AGBL4: variants seen among roughly 807,000 people sequenced by gnomAD.
AGBL4 encodes the protein cytosolic carboxypeptidase 6.
In AGBL4, 58 loss-of-function variants were observed where a neutral mutation model predicts 66.4. The observed-to-expected ratio is 0.87, with a 90% CI of 0.71 to 1.09. The LOEUF is 1.09. Ranked by LOEUF, AGBL4 falls within the 50% of genes least tolerant of loss-of-function variation. AGBL4 has a pLI of 0.00. For missense variants in AGBL4, 579 were observed against 631.0 expected (o/e 0.92, Z 0.88); for synonymous variants, 234 against 222.9 (o/e 1.05, Z -0.44).
chr1:49,634,855 C>T (rs2124376063), intron 3 of AGBL4, among the ~76,000 whole-genome samples: 1 of 152,234 alleles, frequency 6.6e-6, no homozygotes, highest in South Asian at 2.1e-4. Flanking sequence ...GTCCAATGTT[C>T]CTACTGCGAA....
chr1:49,131,438 C>T (rs1372506663), intron 4 of AGBL4, among the ~76,000 whole-genome samples: 1 of 151,942 alleles, frequency 6.6e-6, no homozygotes, highest in Non-Finnish European at 1.5e-5. Flanking sequence ...TATTATGGAG[C>T]TTCTTGTCTA....
At chr1:49,369,167 G>C (rs993020753) in intron 3 of AGBL4, among the ~76,000 whole-genome samples, 1 of 152,108 alleles carries the variant, frequency 6.6e-6, no homozygotes, top group Non-Finnish European at 1.5e-5. Context: ...GCACACAAAG[G>C]TTTGCTGAAG....
chr1:49,667,315 A>G (rs1275196200), intron 3 of AGBL4, among the ~76,000 whole-genome samples: 13 of 151,978 alleles, frequency 8.6e-5, no homozygotes, highest in South Asian at 2.1e-4. Context: ...AAAATTAGCC[A>G]GCCATGGTGG....
chr1:49,455,485 C>T (rs891265948), intron 3 of AGBL4, among the ~76,000 whole-genome samples: 1 of 151,688 alleles, frequency 6.6e-6, no homozygotes, highest in East Asian at 1.9e-4. Flanking sequence ...TCTCTAGATT[C>T]TCTTAAATTC....
intron 2 of AGBL4, among the ~76,000 whole-genome samples, chr1:49,760,483 A>C (rs980433257): frequency 2.6e-5 from 4 of 152,308 alleles, no homozygotes; most frequent in African/African-American, 9.6e-5. Context: ...CCATCTCAAC[A>C]CCAGTCATAA....
chr1:49,460,631 C>T (rs1221256713), intron 3 of AGBL4, among the ~76,000 whole-genome samples: 1 of 151,688 alleles, frequency 6.6e-6, no homozygotes, highest in Non-Finnish European at 1.5e-5. Context: ...TTCTATTCAT[C>T]ATGCTATTTG....
At chr1:49,756,322 GA>G (rs1304370992) in intron 2 of AGBL4, among the ~76,000 whole-genome samples, 1 of 150,040 alleles carries the variant, frequency 6.7e-6, no homozygotes, top group Non-Finnish European at 1.5e-5. Context: ...AGAATAAGTA[GA>G]AAAAAAAAGC....
chr1:48,571,418 A>T (rs1644561403), intron 11 of AGBL4, among the ~76,000 whole-genome samples: 1 of 152,214 alleles, frequency 6.6e-6, no homozygotes, highest in South Asian at 2.1e-4. Flanking sequence ...CACTTTACTC[A>T]CATTTGCCTT....
chr1:49,858,756 C>G (rs763771708), intron 1 of AGBL4, among the ~76,000 whole-genome samples: 10 of 152,186 alleles, frequency 6.6e-5, no homozygotes, highest in Non-Finnish European at 1.5e-4. Flanking sequence ...GTGCCTCACA[C>G]CTGTAATCCC....
intron 5 of AGBL4, among the ~76,000 whole-genome samples, chr1:48,994,600 C>T (rs186630471): frequency 3.7e-4 from 56 of 152,184 alleles, no homozygotes; most frequent in African/African-American, 1.3e-3. Flanking sequence ...ATTACTGCCC[C>T]AAGAAACTGC....
intron 2 of AGBL4, among the ~76,000 whole-genome samples, chr1:49,733,468 T>C (rs1004631713): frequency 6.6e-6 from 1 of 152,202 alleles, no homozygotes; most frequent in Non-Finnish European, 1.5e-5. Flanking sequence ...GGGCTGTTTA[T>C]AACAAATTAT....
intron 3 of AGBL4, among the ~76,000 whole-genome samples, chr1:49,602,589 A>G (rs535494003): frequency 6.6e-6 from 1 of 152,060 alleles, no homozygotes; most frequent in Non-Finnish European, 1.5e-5. Context: ...AACTAACACA[A>G]GAACAGAAAA....
intron 2 of AGBL4, among the ~76,000 whole-genome samples, chr1:49,781,043 C>T (rs1280892621): frequency 6.6e-6 from 1 of 152,000 alleles, no homozygotes; most frequent in East Asian, 1.9e-4. Flanking sequence ...GTATACCACA[C>T]AAAAAGAAGG....
At chr1:49,167,464 T>C (rs1036760232) in intron 4 of AGBL4, among the ~76,000 whole-genome samples, 4 of 152,198 alleles carry the variant, frequency 2.6e-5, no homozygotes, top group African/African-American at 4.8e-5. Context: ...CACCATATCA[T>C]TCATTACTCA....
chr1:48,891,984 ATTACTAC>A, intron 5 of AGBL4, among the ~76,000 whole-genome samples: 1 of 152,092 alleles, frequency 6.6e-6, no homozygotes, highest in East Asian at 1.9e-4. Context: ...GCCATAACAA[ATTACTAC>A]AAACTAGGTG....
intron 2 of AGBL4, among the ~76,000 whole-genome samples, chr1:49,738,554 G>A (rs759498837): frequency 1.4e-4 from 22 of 152,202 alleles, no homozygotes; most frequent in Admixed American, 5.9e-4. Flanking sequence ...TTTGAAGAGC[G>A]TAGCTATTCT....
At chr1:48,588,289 A>C (rs1644856207) in intron 10 of AGBL4, among the ~76,000 whole-genome samples, 1 of 152,200 alleles carries the variant, frequency 6.6e-6, no homozygotes, top group South Asian at 2.1e-4. Flanking sequence ...AGATGTTGAC[A>C]GCACCCATCA....
chr1:49,655,334 G>A (rs529271450), intron 3 of AGBL4, among the ~76,000 whole-genome samples: 1 of 152,058 alleles, frequency 6.6e-6, no homozygotes, highest in African/African-American at 2.4e-5. Context: ...TTCCCTTTGC[G>A]GGTAACCCAA....
At chr1:49,039,744 A>G (rs1643893628) in intron 5 of AGBL4, among the ~76,000 whole-genome samples, 1 of 152,140 alleles carries the variant, frequency 6.6e-6, no homozygotes, top group Non-Finnish European at 1.5e-5. Context: ...TTTCAGAAGA[A>G]TAACATAAAA....
Sources: gnomAD v4.1 joint callset for allele counts (sites outside exome capture counted in the v4.1 genomes callset) on GRCh38, gnomAD v4.1.1 for gene constraint, MANE v1.5 for transcripts, NCBI Gene and HGNC (gene_info 2026-07-23, HGNC 2026-07-21) for gene names.